Variants in NCOA2 observed in about 807,000 individuals in gnomAD.
NCOA2 encodes class E basic helix-loop-helix protein 75.
In NCOA2, 21 loss-of-function variants were observed where a neutral mutation model predicts 145.1. The observed-to-expected ratio is 0.14, with a 90% CI of 0.10 to 0.21. The LOEUF is 0.21. Among genes scored for constraint, NCOA2 ranks in the 10% least tolerant of loss-of-function variants. NCOA2 has a pLI of 1.00. For synonymous variants in NCOA2, 619 were observed against 637.5 expected (o/e 0.97, Z 0.44); for missense variants, 1,472 against 1,837.6 (o/e 0.80, Z 3.64).
At chr8:70,419,895 T>C in the NCOA2 span, among the ~76,000 whole-genome samples, 1 of 152,238 alleles carries the variant, frequency 6.6e-6, no homozygotes, top group Admixed American at 6.5e-5. Context: ...TTAAACTTGA[T>C]TTAGGTATAA....
chr8:70,217,443 A>G (rs1331809342), intron 2 of NCOA2, among the ~76,000 whole-genome samples: 1 of 151,976 alleles, frequency 6.6e-6, no homozygotes, highest in Non-Finnish European at 1.5e-5. Context: ...CCCTGCACAC[A>G]GCATGGTCAC....
chr8:70,313,686 C>T (rs1805310437), intron 1 of NCOA2, among the ~76,000 whole-genome samples: 1 of 152,108 alleles, frequency 6.6e-6, no homozygotes, highest in African/African-American at 2.4e-5. Context: ...TTAAGGTACA[C>T]ACACGAAAAA....
chr8:70,333,026 G>A (rs150357185), intron 1 of NCOA2, among the ~76,000 whole-genome samples: 2 of 152,304 alleles, frequency 1.3e-5, no homozygotes, highest in Admixed American at 1.3e-4. Context: ...CTCAGTTTCT[G>A]AGATAACTTG....
At chr8:70,259,479 G>A (rs1467161575) in intron 2 of NCOA2, among the ~76,000 whole-genome samples, 1 of 151,954 alleles carries the variant, frequency 6.6e-6, no homozygotes, top group Admixed American at 6.6e-5. Flanking sequence ...TAAATTTGAT[G>A]GTAGTCACAA....
the NCOA2 span, among the ~76,000 whole-genome samples, chr8:70,450,786 C>T: frequency 2.0e-5 from 3 of 151,074 alleles, no homozygotes; most frequent in Non-Finnish European, 3.0e-5. Context: ...ACGCTAGTCT[C>T]GAACTCTTGA....
intron 10 of NCOA2, among the ~76,000 whole-genome samples, chr8:70,157,786 TTTAGAA>T (rs1461145245): frequency 6.6e-6 from 1 of 152,216 alleles, no homozygotes; most frequent in Non-Finnish European, 1.5e-5. Flanking sequence ...ACTAAAACTG[TTTAGAA>T]TTAGATCACC....
intron 4 of NCOA2, among the ~76,000 whole-genome samples, chr8:70,199,132 A>C (rs1817637993): frequency 6.6e-6 from 1 of 152,180 alleles, no homozygotes; most frequent in African/African-American, 2.4e-5. Flanking sequence ...CCAGTGAGTG[A>C]GGATGAATGT....
intron 1 of NCOA2, among the ~76,000 whole-genome samples, chr8:70,343,292 C>T (rs927377930): frequency 6.6e-6 from 1 of 152,082 alleles, no homozygotes; most frequent in Non-Finnish European, 1.5e-5. Flanking sequence ...TTCTGTCATA[C>T]ATAATATCCT....
chr8:70,241,896 GAAAAAGT>G (rs1322301095), intron 2 of NCOA2, among the ~76,000 whole-genome samples: 9 of 151,888 alleles, frequency 5.9e-5, no homozygotes, highest in Admixed American at 5.9e-4. Context: ...CTCATCAAAA[GAAAAAGT>G]AAAAACAAAG....
intron 19 of NCOA2, among the ~76,000 whole-genome samples, chr8:70,125,908 T>TA (rs746627043): frequency 5.9e-5 from 9 of 152,264 alleles, no homozygotes; most frequent in Middle Eastern, 3.4e-3. Flanking sequence ...GGAGGCAACT[T>TA]AGAGTATTTT....
intron 1 of NCOA2, among the ~76,000 whole-genome samples, chr8:70,318,376 T>C (rs1805781261): frequency 6.6e-6 from 1 of 152,254 alleles, no homozygotes; most frequent in African/African-American, 2.4e-5. Flanking sequence ...AGTGAATTCC[T>C]ATGGCTTTTT....
intron 1 of NCOA2, among the ~76,000 whole-genome samples, chr8:70,318,569 A>G (rs1563758452): frequency 6.6e-6 from 1 of 152,098 alleles, no homozygotes; most frequent in Admixed American, 6.5e-5. Context: ...GTTTGAGGTG[A>G]GCCTAGGCAA....
intron 2 of NCOA2, among the ~76,000 whole-genome samples, chr8:70,236,273 T>C (rs920349064): frequency 2.6e-5 from 4 of 152,190 alleles, no homozygotes; most frequent in African/African-American, 9.6e-5. Flanking sequence ...TCCAGATAAC[T>C]TCCTTGATTA....
At chr8:70,208,678 T>A (rs142360452) in intron 4 of NCOA2, among the ~76,000 whole-genome samples, 2 of 152,220 alleles carry the variant, frequency 1.3e-5, no homozygotes, top group Admixed American at 6.5e-5. Flanking sequence ...ATAAGAATAA[T>A]GCTAAATCTA....
the NCOA2 span, among the ~76,000 whole-genome samples, chr8:70,439,763 T>C: frequency 6.6e-6 from 1 of 152,182 alleles, no homozygotes; most frequent in Non-Finnish European, 1.5e-5. Context: ...TGCTGCTCTG[T>C]GCCAAGGTGG....
chr8:70,124,682 G>A lies in NCOA2; in HGVS notation c.4094+6C>T, dbSNP rs747672352. On this transcript the variant is annotated splice_donor_region_variant and intron_variant, in intron 20 of 22. Transcript: ENST00000452400. ...CGGTATGAAAAGGAGAAGGATTTGC[G>A]GTTACCTGTTTCCGCCCATGTTCCC... is the stretch of plus-strand genomic sequence containing the variant. The A allele has an allele frequency of 4.4e-6, 7 of 1,598,772 alleles. No homozygotes were observed. The highest frequency in any genetic ancestry group is 1.7e-4 in the Middle Eastern group (1 of 5,972).
intron 11 of NCOA2, among the ~76,000 whole-genome samples, chr8:70,149,551 T>TA (rs1176703564): frequency 6.6e-6 from 1 of 150,632 alleles, no homozygotes; most frequent in Non-Finnish European, 1.5e-5. Flanking sequence ...ACAGAAGCCA[T>TA]AAAAAATGTT....
At chr8:70,212,771 T>C (rs1310719157) in intron 4 of NCOA2, among the ~76,000 whole-genome samples, 2 of 150,978 alleles carry the variant, frequency 1.3e-5, no homozygotes, top group African/African-American at 5.0e-5. Context: ...ATTTGAACTC[T>C]AAGAGGATGC....
chr8:70,297,462 T>C (rs913970013), intron 1 of NCOA2, among the ~76,000 whole-genome samples: 1 of 152,204 alleles, frequency 6.6e-6, no homozygotes. Context: ...GCCTCCCAAG[T>C]AGCCAGGACT....
Sources: allele counts gnomAD v4.1 joint callset (sites outside exome capture counted in the v4.1 genomes callset), GRCh38; gene constraint gnomAD v4.1.1; transcripts MANE v1.5; gene names NCBI Gene and HGNC (gene_info 2026-07-23, HGNC 2026-07-21).